Variants in HECW2 observed in about 807,000 individuals in gnomAD.
HECW2 encodes the protein HECT, C2 and WW domain containing E3 ubiquitin protein ligase 2.
HECW2 carries 61 observed loss-of-function variants against 175.2 expected under a neutral mutation model. The ratio of observed to expected loss-of-function variants is 0.35; its 90% CI spans 0.28 to 0.43. The LOEUF (loss-of-function observed/expected upper bound fraction) is 0.43, where lower values mean the gene tolerates loss of function less well. Ranked by LOEUF, HECW2 falls within the 20% of genes least tolerant of loss-of-function variation. HECW2 has a pLI of 1.00. For synonymous variants in HECW2, 671 were observed against 731.0 expected (o/e 0.92, Z 1.32); for missense variants, 1,524 against 2,000.5 (o/e 0.76, Z 4.54).
chr2:196,435,729 T>C (rs1170003810), intron 1 of HECW2, among the ~76,000 whole-genome samples: 3 of 152,238 alleles, frequency 2.0e-5, no homozygotes, highest in African/African-American at 2.4e-5. Flanking sequence ...TATCACTCTA[T>C]GATCTTAGAC....
At chr2:196,487,371 G>A (rs1398269717) in intron 1 of HECW2, among the ~76,000 whole-genome samples, 2 of 152,128 alleles carry the variant, frequency 1.3e-5, no homozygotes, top group Non-Finnish European at 2.9e-5. Context: ...TGCCCAAGTG[G>A]TGCCATGAGC....
intron 2 of HECW2, among the ~76,000 whole-genome samples, chr2:196,388,815 A>C (rs535105053): frequency 7.2e-4 from 109 of 152,294 alleles, no homozygotes; most frequent in African/African-American, 2.5e-3. Context: ...CAAAAGTGAA[A>C]ATGTTAAGAT....
At chr2:196,311,857 T>C (rs1372478646) in intron 10 of HECW2, among the ~76,000 whole-genome samples, 2 of 152,068 alleles carry the variant, frequency 1.3e-5, no homozygotes, top group African/African-American at 2.4e-5. Context: ...CAGGTGCAAG[T>C]AGACTCTTAG....
intron 1 of HECW2, among the ~76,000 whole-genome samples, chr2:196,536,859 T>C (rs1209989768): frequency 6.6e-6 from 1 of 152,122 alleles, no homozygotes; most frequent in Non-Finnish European, 1.5e-5. Flanking sequence ...GCATTGGTGG[T>C]TGTGTTGGAT....
At chr2:196,304,144 T>C (rs1395389248) in intron 13 of HECW2, among the ~76,000 whole-genome samples, 3 of 152,246 alleles carry the variant, frequency 2.0e-5, no homozygotes, top group Non-Finnish European at 4.4e-5. Context: ...CCCAACCTTC[T>C]GTAGCCCTGC....
intron 21 of HECW2, among the ~76,000 whole-genome samples, chr2:196,237,676 A>T (rs1052082061): frequency 3.9e-5 from 6 of 152,124 alleles, no homozygotes; most frequent in Admixed American, 3.9e-4. Context: ...TATGTATTCA[A>T]CCATGTATTT....
intron 1 of HECW2, among the ~76,000 whole-genome samples, chr2:196,437,730 G>A (rs535175682): frequency 2.0e-5 from 3 of 152,172 alleles, no homozygotes; most frequent in Non-Finnish European, 1.5e-5. Context: ...CCCATCCAGC[G>A]TCACAAAGCT....
chr2:196,523,237 A>G (rs1688483925), intron 1 of HECW2, among the ~76,000 whole-genome samples: 1 of 152,004 alleles, frequency 6.6e-6, no homozygotes, highest in Admixed American at 6.6e-5. Context: ...CTTTGAAGCA[A>G]TTGTGAATGG....
chr2:196,515,751 C>G (rs1165035637), intron 1 of HECW2, among the ~76,000 whole-genome samples: 2 of 152,126 alleles, frequency 1.3e-5, no homozygotes, highest in Non-Finnish European at 2.9e-5. Flanking sequence ...TGGTTGCTGA[C>G]ATTACTTTAA....
At chr2:196,304,041 T>A (rs1248421474) in intron 13 of HECW2, among the ~76,000 whole-genome samples, 1 of 152,200 alleles carries the variant, frequency 6.6e-6, no homozygotes, top group East Asian at 1.9e-4. Flanking sequence ...ATTCTTTGCA[T>A]AACAGCTAGA....
chr2:196,202,556 A>G lies in HECW2; in HGVS notation c.4608-1168T>C, dbSNP rs1686898650. Among the ~76,000 whole-genome samples the G allele has an allele frequency of 2.0e-5, 3 of 152,224 alleles. No individual in the cohort carries two copies. In the South Asian group the frequency reaches 6.2e-4, roughly 31 times the overall value. On this transcript the variant is annotated intron_variant, in intron 28 of 28. Coordinates refer to ENST00000644978, the MANE Select transcript of HECW2 (RefSeq NM_001348768.2). ...GTGAAATAACAGAAACATGCTTAAT[A>G]GAATGACTGGCTCATAGTGTTTGAC... is the stretch of plus-strand genomic sequence containing the variant.
At chr2:196,541,983 G>A (rs1163252555) in intron 1 of HECW2, among the ~76,000 whole-genome samples, 3 of 152,040 alleles carry the variant, frequency 2.0e-5, no homozygotes, top group Non-Finnish European at 4.4e-5. Flanking sequence ...AGACAAAGGT[G>A]CCAGGCACGG....
intron 2 of HECW2, among the ~76,000 whole-genome samples, chr2:196,396,626 G>A (rs565140975): frequency 9.2e-5 from 14 of 152,284 alleles, no homozygotes; most frequent in African/African-American, 3.4e-4. Flanking sequence ...ATATGCCCCA[G>A]ACTAATGTTT....
chr2:196,574,828 C>T (rs940156329), intron 1 of HECW2, among the ~76,000 whole-genome samples: 3 of 152,100 alleles, frequency 2.0e-5, no homozygotes, highest in East Asian at 1.9e-4. Flanking sequence ...AAAAAACAGA[C>T]ATATAGCCTA....
intron 2 of HECW2, among the ~76,000 whole-genome samples, chr2:196,369,648 C>G (rs962674311): frequency 2.0e-5 from 3 of 152,122 alleles, no homozygotes; most frequent in African/African-American, 7.2e-5. Context: ...CCTAAAGATG[C>G]CATCAAGGAA....
intron 2 of HECW2, among the ~76,000 whole-genome samples, chr2:196,367,730 G>A (rs1200882522): frequency 1.3e-5 from 2 of 151,986 alleles, no homozygotes; most frequent in African/African-American, 4.8e-5. Flanking sequence ...ACAAGTAAGT[G>A]ACAACATGCG....
intron 1 of HECW2, among the ~76,000 whole-genome samples, chr2:196,587,938 T>C (rs903300137): frequency 5.3e-5 from 8 of 152,160 alleles, no homozygotes; most frequent in Admixed American, 6.5e-5. Context: ...TTTGAACATA[T>C]CCAAACACAT....
intron 1 of HECW2, among the ~76,000 whole-genome samples, chr2:196,555,471 C>T (rs1436581178): frequency 6.6e-6 from 1 of 152,140 alleles, no homozygotes; most frequent in South Asian, 2.1e-4. Flanking sequence ...TTTCAACATA[C>T]GAATTGGTGG....
intron 1 of HECW2, among the ~76,000 whole-genome samples, chr2:196,503,848 C>A (rs1282947758): frequency 1.3e-5 from 2 of 152,136 alleles, no homozygotes; most frequent in Non-Finnish European, 2.9e-5. Context: ...TTACACACAA[C>A]CCCCATATTT....
Sources: gnomAD v4.1 joint callset for allele counts (sites outside exome capture counted in the v4.1 genomes callset) on GRCh38, gnomAD v4.1.1 for gene constraint, MANE v1.5 for transcripts, NCBI Gene and HGNC (gene_info 2026-07-23, HGNC 2026-07-21) for gene names.